Variants in STXBP2 observed in about 807,000 individuals in gnomAD.
The protein encoded by STXBP2 is syntaxin binding protein 2.
Under a neutral mutation model 72.2 loss-of-function variants are expected in STXBP2, and 47 were observed. That is an observed-to-expected ratio of 0.65 (90% CI 0.51 to 0.83). The LOEUF (loss-of-function observed/expected upper bound fraction) is 0.83, where lower values mean the gene tolerates loss of function less well. Among genes scored for constraint, STXBP2 ranks in the 40% least tolerant of loss-of-function variants. The pLI, the probability that STXBP2 is intolerant of heterozygous loss-of-function variation, is 0.00. For synonymous variants in STXBP2, 367 were observed against 338.7 expected, an observed-to-expected ratio of 1.08 and a Z score of -0.92; for missense variants, 702 against 807.6, an observed-to-expected ratio of 0.87 and a Z score of 1.58.
chr19:7,639,940 A>ATG (rs757894183), intron 4 of STXBP2, 133 bp downstream of exon 4: 11 of 793,290 alleles, frequency 1.4e-5, no homozygotes, highest in East Asian at 8.6e-5. Flanking sequence ...ATGTGTGTGC[A>ATG]TGTGTGTGCA....
At chr19:7,640,367 C>A (rs978705614) in intron 4 of STXBP2, 13 of 538,848 alleles carry the variant, frequency 2.4e-5, no homozygotes, top group South Asian at 6.4e-5. Context: ...TGTGTGTATG[C>A]GTGTGTGTGC....
chr19:7,631,385 G>A, the STXBP2 span: 4 of 1,349,268 alleles, frequency 3.0e-6, no homozygotes, highest in East Asian at 7.8e-5. Flanking sequence ...GGGCAGGGTG[G>A]TGGGAGAGGT....
intron 7 of STXBP2, 36 bp from the exon 8 acceptor site, chr19:7,641,998 C>G (rs1372602564): frequency 6.2e-7 from 1 of 1,613,022 alleles, no homozygotes; most frequent in African/African-American, 1.3e-5. Flanking sequence ...GACCCCATCC[C>G]CTGATGATGT....
intron 16 of STXBP2, 45 bp from the exon 17 acceptor site, chr19:7,647,117 C>T (rs1324419082): frequency 3.1e-6 from 5 of 1,604,036 alleles, no homozygotes; most frequent in Admixed American, 1.7e-5. Context: ...TGACCCCGGA[C>T]CCCATGCCTG....
chr19:7,643,992 G>A (rs1321997384), intron 13 of STXBP2, among the ~76,000 whole-genome samples: 1 of 147,640 alleles, frequency 6.8e-6, no homozygotes, highest in African/African-American at 2.5e-5. Flanking sequence ...TGGAGAGGTG[G>A]GACCTGGGTG....
chr19:7,639,860 A>G (rs772546141), intron 4 of STXBP2, 53 bp downstream of exon 4: 5 of 1,562,912 alleles, frequency 3.2e-6, no homozygotes, highest in Non-Finnish European at 4.4e-6. Flanking sequence ...GTACATGTGC[A>G]TGTGTGTGTA....
At chr19:7,646,476 C>A in intron 16 of STXBP2, 132 bp downstream of exon 16, 1 of 898,966 alleles carries the variant, frequency 1.1e-6, no homozygotes, top group Non-Finnish European at 1.8e-6. Flanking sequence ...TGGCACCGAT[C>A]TGCTCTGCTG....
intron 15 of STXBP2, chr19:7,645,921 CCTCT>C (rs1319993860): frequency 2.2e-6 from 1 of 458,480 alleles, no homozygotes; most frequent in Non-Finnish European, 4.0e-6. Flanking sequence ...TCCCCATCTT[CCTCT>C]CTCTGTTTCC....
Position 7,643,171 on chromosome 19 carries a change from A to G in STXBP2, c.1033A>G (p.Thr345Ala), listed in dbSNP as rs768201440. The G allele has an allele frequency of 4.3e-6, 7 of 1,613,838 alleles. No individual in the cohort carries two copies. The East Asian group carries it at 6.7e-5, about 15-fold the overall frequency. ...QYQKELNKYSTHLHLADDCMK... is the reference protein window; with the variant it reads ...QYQKELNKYSAHLHLADDCMK... ...CCCACCCTGCACCCTGCAGTATTCT[A>G]CGCACCTGCATCTAGCAGATGATTG... Residue 345 changes from threonine (T) to alanine (A), a missense_variant, in exon 13 of 19, where the codon ACG (threonine) becomes GCG (alanine). Transcript: ENST00000221283.
At chr19:7,634,315 G>A (rs1327644472), upstream of STXBP2, among the ~76,000 whole-genome samples, 4 of 152,120 alleles carry the variant, frequency 2.6e-5, no homozygotes, top group Non-Finnish European at 4.4e-5. Flanking sequence ...CCCTCCCCAA[G>A]ACGCCTTTAC....
rs994202223 is a variant in STXBP2 at position 7,643,336 on chromosome 19, G to A, written c.1107+91G>A. ...GAACTGTAGAGATGGGGGGTTCTGG[G>A]GGAGGGGCAGGGCTTGTGGAGAGGT... On this transcript the variant is annotated intron_variant, in intron 13 of 18. Transcript: ENST00000221283. The A allele has an allele frequency of 1.3e-4, 180 of 1,350,384 alleles. 1 individual carries two copies. The highest frequency in any genetic ancestry group is 1.7e-4 in the Non-Finnish European group (165 of 976,032). 83.7% of individuals were successfully genotyped at this position (1,350,384 alleles called of 1,614,324 possible).
upstream of STXBP2, among the ~76,000 whole-genome samples, chr19:7,635,003 C>G (rs1186158872): frequency 1.3e-5 from 2 of 152,256 alleles, no homozygotes; most frequent in East Asian, 1.9e-4. Context: ...GGGGCCTACT[C>G]TACTCCAGTG....
At chr19:7,645,398 C>T (rs1371495279) in intron 15 of STXBP2, 92 bp downstream of exon 15, 13 of 1,249,930 alleles carry the variant, frequency 1.0e-5, no homozygotes, top group Middle Eastern at 2.6e-4. Context: ...TGCACAGGCA[C>T]GGTGTGGTTC....
intron 16 of STXBP2, 119 bp from the exon 17 acceptor site, chr19:7,647,043 G>A (rs1009874705): frequency 5.0e-6 from 5 of 1,009,808 alleles, no homozygotes; most frequent in Admixed American, 2.0e-5. Flanking sequence ...AGAGGCAGGA[G>A]GTGGAGATGC....
At chr19:7,634,775 G>A (rs967392263), upstream of STXBP2, among the ~76,000 whole-genome samples, 1 of 152,184 alleles carries the variant, frequency 6.6e-6, no homozygotes, top group Non-Finnish European at 1.5e-5. Flanking sequence ...CAGGTCTCAG[G>A]AGCCCTCCTT....
Position 7,645,696 on chromosome 19 carries a change from G to A in STXBP2, c.1356+390G>A, listed in dbSNP as rs535873737. ...CCATCCAGCACCCACACACAGCCAT[G>A]TGTGTGCTTGACTCTTGGGTCAGCC... On this transcript the variant is annotated intron_variant, in intron 15 of 18. Transcript: ENST00000221283. 3.9e-5 allele frequency among the ~76,000 whole-genome samples: 6 copies of A among 152,126 alleles called. No individual in the cohort carries two copies. The East Asian group carries it at 1.2e-3, about 30-fold the overall frequency.
At chr19:7,641,259 ACT>A in intron 6 of STXBP2, 1 of 546,338 alleles carries the variant, frequency 1.8e-6, no homozygotes, top group Non-Finnish European at 3.3e-6. Context: ...AGTCCTAGCT[ACT>A]CATGGGGCTG....
the STXBP2 span, chr19:7,630,982 G>T: frequency 8.7e-7 from 1 of 1,155,020 alleles, no homozygotes; most frequent in South Asian, 1.3e-5. Context: ...GCTGAGGTGG[G>T]TAGATCACTT....
rs768971377 is a variant in STXBP2 at position 7,642,807 on chromosome 19, G to A, written c.944G>A (p.Arg315Lys). The change falls in exon 11 of 19, where the codon AGG becomes AAG. Residue 315 changes from arginine (R) to lysine (K), a missense_variant. By Grantham distance (26) the Arg-to-Lys change is conservative (BLOSUM62 2). Coordinates refer to ENST00000221283, the MANE Select transcript of STXBP2 (RefSeq NM_006949.4). The surrounding 1 kb of genome is among the most constrained non-coding windows in gnomAD (Gnocchi z 6.0). Reference sequence around the variant, plus strand: ...CTGAGGACCTTCTGTGAGAGCAAGAGGCTGACCACGGACAAGGTAGGGGCG... The same window carrying A: ...CTGAGGACCTTCTGTGAGAGCAAGAAGCTGACCACGGACAAGGTAGGGGCG... ...ELLRTFCESK[R>K]LTTDKANIKD... The A allele has an allele frequency of 1.2e-6, 2 of 1,613,980 alleles. No individual in the cohort carries two copies. The highest frequency in any genetic ancestry group is 2.7e-5 in the African/African-American group (2 of 74,912).
Sources: gnomAD v4.1 joint callset for allele counts (sites outside exome capture counted in the v4.1 genomes callset) on GRCh38, gnomAD v4.1.1 for gene constraint, Gnocchi (gnomAD v3.1) non-coding constraint, MANE v1.5 for transcripts, NCBI Gene and HGNC (gene_info 2026-07-23, HGNC 2026-07-21) for gene names.